DPP6: variants seen among roughly 807,000 people sequenced by gnomAD.
The protein encoded by DPP6 is dipeptidyl peptidase like 6.
DPP6 carries 69 observed loss-of-function variants against 122.6 expected under a neutral mutation model. That is an observed-to-expected ratio of 0.56 (90% CI 0.46 to 0.69). The LOEUF (loss-of-function observed/expected upper bound fraction) is 0.69, where lower values mean the gene tolerates loss of function less well. Ranked by LOEUF, DPP6 falls within the 30% of genes least tolerant of loss-of-function variation. DPP6 has a pLI of 0.00. For synonymous variants in DPP6, 418 were observed against 433.1 expected (o/e 0.97, Z 0.43); for missense variants, 928 against 1,116.9 (o/e 0.83, Z 2.41).
upstream of DPP6, among the ~76,000 whole-genome samples, chr7:154,047,859 G>C (rs1040076156): frequency 6.8e-6 from 1 of 147,554 alleles, no homozygotes; most frequent in African/African-American, 2.5e-5. Flanking sequence ...GTCGATTATG[G>C]TTCAATGTAG....
chr7:154,249,981 C>T (rs1373522806), intron 1 of DPP6, among the ~76,000 whole-genome samples: 1 of 152,124 alleles, frequency 6.6e-6, no homozygotes, highest in Non-Finnish European at 1.5e-5. Flanking sequence ...AGTTAAAAAT[C>T]AACCCCTGAC....
At chr7:154,335,052 G>T (rs1809282228) in intron 1 of DPP6, among the ~76,000 whole-genome samples, 2 of 139,674 alleles carry the variant, frequency 1.4e-5, no homozygotes, top group Admixed American at 1.4e-4. Flanking sequence ...GATGATTTCA[G>T]TTTTTTCAAT....
At chr7:154,395,679 T>A (rs1043784837) in intron 1 of DPP6, among the ~76,000 whole-genome samples, 1 of 152,148 alleles carries the variant, frequency 6.6e-6, no homozygotes, top group Non-Finnish European at 1.5e-5. Context: ...ATATATAAAA[T>A]TGTATCATGT....
intron 8 of DPP6, among the ~76,000 whole-genome samples, chr7:154,759,164 C>T (rs1487929872): frequency 6.6e-6 from 1 of 152,230 alleles, no homozygotes; most frequent in Admixed American, 6.5e-5. Context: ...CTCGCCACCA[C>T]CCCGCAGGGA....
At chr7:154,306,772 G>A (rs988787853) in intron 1 of DPP6, among the ~76,000 whole-genome samples, 4 of 152,062 alleles carry the variant, frequency 2.6e-5, no homozygotes, top group African/African-American at 7.2e-5. Context: ...CTGTAAATAC[G>A]GACATTAAAA....
At chr7:154,177,855 A>G (rs532555326) in intron 1 of DPP6, among the ~76,000 whole-genome samples, 30 of 152,352 alleles carry the variant, frequency 2.0e-4, no homozygotes, top group African/African-American at 6.7e-4. Flanking sequence ...AACGCTTCGT[A>G]TAACCCATAG....
At chr7:154,245,837 G>C (rs1384502911) in intron 1 of DPP6, among the ~76,000 whole-genome samples, 8 of 151,730 alleles carry the variant, frequency 5.3e-5, no homozygotes. Context: ...TAAATTCGCA[G>C]ATATTTGGAT....
intron 10 of DPP6, among the ~76,000 whole-genome samples, chr7:154,781,439 G>C (rs767755396): frequency 3.9e-5 from 6 of 152,176 alleles, no homozygotes; most frequent in Admixed American, 3.9e-4. Context: ...CCTTGAGATG[G>C]AAGGGACAGG....
chr7:154,115,896 G>C (rs191603147), intron 1 of DPP6, among the ~76,000 whole-genome samples: 2,187 of 152,062 alleles, frequency 0.014, 27 homozygotes, highest in Non-Finnish European at 0.022. Context: ...ATAGACAAAC[G>C]ATCAATGCAT....
At position 154,834,254 on chromosome 7, in the gene DPP6, A is replaced by T. The variant is rs1800854013; in HGVS notation, c.1667-19526A>T. Among the ~76,000 whole-genome samples, 3 of 150,622 alleles carry T rather than the reference A, an allele frequency of 2.0e-5. No individual in the cohort carries two copies. In the South Asian group the frequency reaches 6.3e-4, roughly 32 times the overall value. On this transcript the variant is annotated intron_variant, in intron 16 of 25. Coordinates refer to ENST00000377770, the MANE Select transcript of DPP6 (RefSeq NM_130797.4). ...AGGCCGAGGCAGGCGGATCCCCTTAAGTCAGGAGTTCAAGACCAGCCTAGC... is the reference window on the plus strand; with the variant it reads ...AGGCCGAGGCAGGCGGATCCCCTTATGTCAGGAGTTCAAGACCAGCCTAGC...
chr7:154,092,859 G>T (rs1234450157), intron 1 of DPP6: 1 of 152,088 alleles, frequency 6.6e-6, no homozygotes, highest in Non-Finnish European at 1.5e-5. Flanking sequence ...TTATTACAAT[G>T]GTTGTCAGAT....
chr7:154,466,178 G>A (rs1189035508), intron 2 of DPP6, among the ~76,000 whole-genome samples: 1 of 152,026 alleles, frequency 6.6e-6, no homozygotes, highest in Non-Finnish European at 1.5e-5. Flanking sequence ...GCACAGGGAG[G>A]GGAACATCAC....
the DPP6 span, among the ~76,000 whole-genome samples, chr7:153,857,502 C>T: frequency 5.1e-4 from 78 of 152,266 alleles, no homozygotes; most frequent in Non-Finnish European, 7.5e-4. Context: ...ACACTGCTTA[C>T]AGCTTTCTGG....
At chr7:154,401,163 C>G (rs1056299000) in intron 1 of DPP6, among the ~76,000 whole-genome samples, 2 of 150,626 alleles carry the variant, frequency 1.3e-5, no homozygotes, top group Non-Finnish European at 1.5e-5. Flanking sequence ...TGCCACTGCA[C>G]TACAGCCTGG....
chr7:154,021,356 A>T (rs1156736525), intron 1 of DPP6, among the ~76,000 whole-genome samples: 1 of 152,090 alleles, frequency 6.6e-6, no homozygotes, highest in Non-Finnish European at 1.5e-5. Context: ...GCCATATGTA[A>T]GTTTCCCTGA....
At position 154,384,066 on chromosome 7, in the gene DPP6, C is replaced by T. The variant is rs968301956; in HGVS notation, c.244-62148C>T. Among the ~76,000 whole-genome samples the T allele has an allele frequency of 4.6e-5, 7 of 152,204 alleles. 1 individual carries two copies. The highest frequency in any genetic ancestry group is 4.1e-4 in the South Asian group (2 of 4,820). On this transcript the variant is annotated intron_variant, in intron 1 of 25. Coordinates refer to ENST00000377770, the MANE Select transcript of DPP6 (RefSeq NM_130797.4). ...GCTGCTTTGCACCTGGGACTCTGCA[C>T]GCTCACCCCATTCAGTCTCCCGGGT...
intron 1 of DPP6, among the ~76,000 whole-genome samples, chr7:154,013,474 T>TA (rs1798250578): frequency 2.7e-5 from 4 of 150,326 alleles, no homozygotes; most frequent in South Asian, 2.1e-4. Context: ...TTTTTTTTTT[T>TA]AACAAATTCA....
intron 1 of DPP6, among the ~76,000 whole-genome samples, chr7:153,902,282 T>C (rs529795210): frequency 6.6e-6 from 1 of 152,338 alleles, no homozygotes; most frequent in East Asian, 1.9e-4. Flanking sequence ...TCATCCTAAC[T>C]TTACTAGCTG....
chr7:154,102,728 G>A (rs188889046), intron 1 of DPP6, among the ~76,000 whole-genome samples: 4,332 of 152,144 alleles, frequency 0.028, 102 homozygotes, highest in Non-Finnish European at 0.039. Context: ...AAAACCTCCT[G>A]TTTCTCTATT....
Sources: gnomAD v4.1 joint callset for allele counts (sites outside exome capture counted in the v4.1 genomes callset) on GRCh38, gnomAD v4.1.1 for gene constraint, MANE v1.5 for transcripts, NCBI Gene and HGNC (gene_info 2026-07-23, HGNC 2026-07-21) for gene names.